The following ASH1L variants were observed in gnomAD, a reference collection of about 807,000 sequenced individuals.
ASH1L encodes histone-lysine N-methyltransferase ASH1L.
A neutral mutation model predicts 269.0 loss-of-function variants in ASH1L; 23 were observed. The observed-to-expected ratio is 0.09, with a 90% CI of 0.06 to 0.12. ASH1L has a LOEUF of 0.12. Ranked by LOEUF, ASH1L falls within the 10% of genes least tolerant of loss-of-function variation. The pLI is 1.00. For missense variants in ASH1L, 2,912 were observed against 3,567.8 expected (o/e 0.82, Z 4.68); for synonymous variants, 1,187 against 1,253.5 (o/e 0.95, Z 1.12).
chr1:155,379,192 G>T (rs1270710123), intron 8 of ASH1L, among the ~76,000 whole-genome samples: 1 of 152,016 alleles, frequency 6.6e-6, no homozygotes, highest in Non-Finnish European at 1.5e-5. Context: ...CACAAAGCTA[G>T]ACTGTTTATT....
chr1:155,403,604 G>A (rs1659032446), intron 6 of ASH1L, among the ~76,000 whole-genome samples: 1 of 152,054 alleles, frequency 6.6e-6, no homozygotes, highest in Non-Finnish European at 1.5e-5. Flanking sequence ...CACATAATAG[G>A]TATGCAAGAA....
rs770792406 is a variant in ASH1L, at chr1:155,346,277, A to T, written c.7890+106T>A. ...AAGAAACCAAGGCCCAGAGAGGCTG[A>T]ACAACCTATTAAAGGAAATTCTGCA... is the stretch of plus-strand genomic sequence containing the variant. On this transcript the variant is annotated intron_variant, in intron 21 of 27. Transcript: ENST00000392403. The T allele has an allele frequency of 4.0e-5, 62 of 1,555,268 alleles. No homozygotes were observed. In the East Asian group the frequency reaches 1.4e-3, roughly 34 times the overall value.
At chr1:155,497,917 T>C (rs983553527) in intron 2 of ASH1L, among the ~76,000 whole-genome samples, 12 of 151,070 alleles carry the variant, frequency 7.9e-5, no homozygotes, top group South Asian at 4.2e-4. Flanking sequence ...GCATGGCTAA[T>C]TTTTTTTTGT....
intron 7 of ASH1L, among the ~76,000 whole-genome samples, chr1:155,387,218 C>T (rs944365903): frequency 2.0e-5 from 3 of 152,176 alleles, no homozygotes; most frequent in Non-Finnish European, 2.9e-5. Flanking sequence ...AAGTGATCCA[C>T]GTGCCTCAGC....
At chr1:155,470,990 A>C (rs1570912489) in intron 3 of ASH1L, among the ~76,000 whole-genome samples, 1 of 152,248 alleles carries the variant, frequency 6.6e-6, no homozygotes, top group South Asian at 2.1e-4. Context: ...AAGATATCTG[A>C]GCCTGAATTA....
At chr1:155,516,804 T>C (rs866693227) in intron 2 of ASH1L, among the ~76,000 whole-genome samples, 6 of 152,216 alleles carry the variant, frequency 3.9e-5, no homozygotes, top group South Asian at 2.1e-4. Flanking sequence ...GTTGTATTTC[T>C]ATATATTTAC....
At chr1:155,394,314 A>G (rs2148481637) in intron 7 of ASH1L, among the ~76,000 whole-genome samples, 1 of 152,334 alleles carries the variant, frequency 6.6e-6, no homozygotes, top group East Asian at 1.9e-4. Context: ...GAGATGGGGT[A>G]ATCAGGAACC....
chr1:155,366,988 GGTT>G (rs1301975415), intron 12 of ASH1L, among the ~76,000 whole-genome samples: 2 of 145,790 alleles, frequency 1.4e-5, no homozygotes, highest in African/African-American at 5.0e-5. Flanking sequence ...TAATGGGTTT[GGTT>G]TTTTTTTTTT....
chr1:155,557,675 G>A (rs1312305905), intron 1 of ASH1L, among the ~76,000 whole-genome samples: 2 of 152,148 alleles, frequency 1.3e-5, no homozygotes, highest in South Asian at 2.1e-4. Flanking sequence ...TTTCTAAAAC[G>A]TGAAATATAA....
chr1:155,383,647 G>A (rs59249132), intron 7 of ASH1L, among the ~76,000 whole-genome samples: 1,567 of 152,256 alleles, frequency 0.01, 30 homozygotes, highest in African/African-American at 0.036. Context: ...AACACATGAT[G>A]GTACTACAAC....
rs10679513 is a variant in ASH1L, at chr1:155,532,965, GGAGA to G, written c.-99-11351_-99-11348del. ...TGTGTGTGTGTATATATATATGGGG[GGAGA>G]GAGAGAGAGAGAGAGTGTGTGTGTG... On this transcript the variant is annotated intron_variant, in intron 1 of 27. Transcript: ENST00000392403. Among the ~76,000 whole-genome samples, 328 of 142,058 alleles carry G rather than the reference GGAGA, an allele frequency of 2.3e-3. 2 individuals carry two copies. Among genetic ancestry groups the G allele is most frequent in the Non-Finnish European group, 3.2e-3 (209 of 65,390 alleles). 93.2% of individuals were successfully genotyped at this position (142,058 alleles called of 152,430 possible). A position where few individuals can be genotyped will look rare whatever the true frequency, so the allele number is the denominator to read the frequency against.
intron 20 of ASH1L, among the ~76,000 whole-genome samples, chr1:155,347,002 G>T (rs1288625036): frequency 2.0e-5 from 3 of 152,218 alleles, no homozygotes; most frequent in African/African-American, 7.2e-5. Flanking sequence ...TCAATTAATA[G>T]AGTGTATTAT....
At chr1:155,384,247 ACT>A (rs1386224440) in intron 7 of ASH1L, among the ~76,000 whole-genome samples, 3 of 151,970 alleles carry the variant, frequency 2.0e-5, no homozygotes, top group Non-Finnish European at 2.9e-5. Context: ...CTGGCAACAA[ACT>A]CTCTTAGTTT....
At position 155,358,508 on chromosome 1, in the gene ASH1L, A is replaced by G. The variant is rs556558545; in HGVS notation, c.6796-759T>C. ...AGACCATCCTGGCTAACATGGTAAA[A>G]CCCAGTCTCTACTAAAAAAAATACA... On this transcript the variant is annotated intron_variant, in intron 13 of 27. Transcript: ENST00000392403. Among the ~76,000 whole-genome samples, 534 of 151,884 alleles carry G rather than the reference A, an allele frequency of 3.5e-3. 3 individuals carry two copies. The highest frequency in any genetic ancestry group is 0.03 in the South Asian group (143 of 4,792).
At chr1:155,464,887 G>A (rs1417075809) in intron 3 of ASH1L, among the ~76,000 whole-genome samples, 1 of 152,026 alleles carries the variant, frequency 6.6e-6, no homozygotes, top group Non-Finnish European at 1.5e-5. Flanking sequence ...TGAAATCAGG[G>A]ATACAAACTG....
At chr1:155,448,817 G>GT (rs1342021866) in intron 4 of ASH1L, among the ~76,000 whole-genome samples, 4 of 151,432 alleles carry the variant, frequency 2.6e-5, no homozygotes, top group African/African-American at 4.9e-5. Flanking sequence ...TCTAATGCAG[G>GT]TTTTACTTGC....
At chr1:155,509,237 TG>T (rs1470530325) in intron 2 of ASH1L, among the ~76,000 whole-genome samples, 2 of 152,080 alleles carry the variant, frequency 1.3e-5, no homozygotes, top group Non-Finnish European at 2.9e-5. Flanking sequence ...CCTAATGATT[TG>T]CCAGGCTGGG....
At chr1:155,363,686 G>A (rs1306128756) in intron 12 of ASH1L, among the ~76,000 whole-genome samples, 1 of 151,790 alleles carries the variant, frequency 6.6e-6, no homozygotes, top group Admixed American at 6.6e-5. Flanking sequence ...TTGAGACAGA[G>A]TCTTGATCTG....
intron 7 of ASH1L, among the ~76,000 whole-genome samples, chr1:155,391,801 A>T (rs1657950238): frequency 6.6e-6 from 1 of 151,908 alleles, no homozygotes; most frequent in Non-Finnish European, 1.5e-5. Flanking sequence ...TCAAAAGTAC[A>T]AAAAATTAGC....
Sources: gnomAD v4.1 joint callset for allele counts (sites outside exome capture counted in the v4.1 genomes callset) on GRCh38, gnomAD v4.1.1 for gene constraint, MANE v1.5 for transcripts, NCBI Gene and HGNC (gene_info 2026-07-23, HGNC 2026-07-21) for gene names.